Variants in STXBP4 observed in about 807,000 individuals in gnomAD.
STXBP4 encodes syntaxin-binding protein 4.
STXBP4 carries 55 observed loss-of-function variants against 76.1 expected under a neutral mutation model. That is an observed-to-expected ratio of 0.72 (90% CI 0.58 to 0.91). The LOEUF (loss-of-function observed/expected upper bound fraction) is 0.91, where lower values mean the gene tolerates loss of function less well. Among genes scored for constraint, STXBP4 ranks in the 40% least tolerant of loss-of-function variants. The pLI is 0.00. For synonymous variants in STXBP4, 201 were observed against 220.2 expected (o/e 0.91, Z 0.77); for missense variants, 618 against 636.9 (o/e 0.97, Z 0.32).
chr17:55,049,806 G>A (rs1002543744), intron 12 of STXBP4, among the ~76,000 whole-genome samples: 7 of 151,750 alleles, frequency 4.6e-5, no homozygotes, highest in African/African-American at 1.2e-4. Flanking sequence ...AAAACTGACC[G>A]GAGTAAAGAT....
In STXBP4 at chr17:55,047,069, T is replaced by A; in HGVS notation, c.946-20T>A. 2 of 1,493,086 alleles carry A rather than the reference T, an allele frequency of 1.3e-6. No individual in the cohort carries two copies. Among genetic ancestry groups the A allele is most frequent in the Non-Finnish European group, 1.9e-6 (2 of 1,072,550 alleles). The allele number at this position is 1,493,086 out of a possible 1,614,324, so 92.5% of individuals were successfully genotyped here. A position where few individuals can be genotyped will look rare whatever the true frequency, so the allele number is the denominator to read the frequency against. On this transcript the variant is annotated intron_variant, in intron 11 of 17. Coordinates refer to ENST00000376352, the MANE Select transcript of STXBP4 (RefSeq NM_178509.6). ...AATACTTTCATAACAAGTTGTTAAT[T>A]TGGTGGTTTTTAAATATAGGAAAAA...
intron 8 of STXBP4, among the ~76,000 whole-genome samples, chr17:55,015,793 C>T (rs1598207219): frequency 6.6e-6 from 1 of 151,974 alleles, no homozygotes; most frequent in East Asian, 1.9e-4. Context: ...CTGAGGGCTT[C>T]CTGTAGGGCA....
Position 55,170,136 on chromosome 17 carries a change from T to G in STXBP4, c.*10225T>G, listed in dbSNP as rs2080398208. ...AGTCTTGGAACATCTATCAAAGGCC[T>G]TAAAAATTTCTTCTTCTGTGAATTT... On this transcript the variant is annotated 3_prime_UTR_variant, in exon 18 of 18. Transcript: ENST00000376352. The G allele has an allele frequency of 6.6e-6, 1 of 152,204 alleles. No homozygotes were observed. Among genetic ancestry groups the G allele is most frequent in the African/African-American group, 2.4e-5 (1 of 41,462 alleles). 9.4% of individuals were successfully genotyped at this position (152,204 alleles called of 1,614,324 possible).
intron 16 of STXBP4, among the ~76,000 whole-genome samples, chr17:55,120,811 G>C (rs1465693459): frequency 8.7e-6 from 1 of 115,066 alleles, no homozygotes; most frequent in Non-Finnish European, 2.0e-5. Flanking sequence ...CTAGAAGAAA[G>C]AGTGTTTTTT....
rs372575270 is a variant in STXBP4 at position 55,171,493 on chromosome 17, A to G, written c.*11582A>G. 1.2e-4 allele frequency: 19 copies of G among 152,350 alleles called. No homozygotes were observed. The highest frequency in any genetic ancestry group is 4.3e-4 in the African/African-American group (18 of 41,574). 9.4% of individuals were successfully genotyped at this position (152,350 alleles called of 1,614,324 possible). On this transcript the variant is annotated 3_prime_UTR_variant, in exon 18 of 18. Coordinates refer to ENST00000376352, the MANE Select transcript of STXBP4 (RefSeq NM_178509.6). Reference sequence around the variant, plus strand: ...TTTATCTATAAGGAATAATCTGTGAATTAACCTTCTGTAGCTTTTCCTTGC... The same window carrying G: ...TTTATCTATAAGGAATAATCTGTGAGTTAACCTTCTGTAGCTTTTCCTTGC...
intron 6 of STXBP4, chr17:55,000,221 T>A: frequency 2.0e-5 from 20 of 985,350 alleles, no homozygotes; most frequent in Non-Finnish European, 2.4e-5. Context: ...CTTAGCTTCT[T>A]TCCCACACAG....
intron 17 of STXBP4, 107 bp from the exon 18 acceptor site, chr17:55,159,690 C>T (rs740351): frequency 0.011 from 7,349 of 642,160 alleles, 201 homozygotes; most frequent in African/African-American, 0.071. Context: ...TGCTTCCTAT[C>T]ACAGGGACTT....
intron 3 of STXBP4, among the ~76,000 whole-genome samples, chr17:54,989,272 T>A (rs1296146812): frequency 1.3e-5 from 2 of 152,198 alleles, no homozygotes; most frequent in African/African-American, 4.8e-5. Flanking sequence ...CGCGCCTGGC[T>A]AATTTTTTGT....
chr17:55,008,646 A>G (rs1158309817), intron 8 of STXBP4, among the ~76,000 whole-genome samples: 1 of 152,176 alleles, frequency 6.6e-6, no homozygotes, highest in Non-Finnish European at 1.5e-5. Context: ...AAAGGGTGTA[A>G]TCTGATGGTA....
intron 4 of STXBP4, among the ~76,000 whole-genome samples, chr17:54,998,570 A>G (rs1195087451): frequency 2.0e-5 from 3 of 152,262 alleles, no homozygotes; most frequent in African/African-American, 7.2e-5. Context: ...GCAGCCAGTT[A>G]GAATTGTCAT....
At position 55,089,108 on chromosome 17, in the gene STXBP4, A is replaced by G. The variant is rs1405919977; in HGVS notation, c.1489+7925A>G. 2.0e-5 allele frequency among the ~76,000 whole-genome samples: 3 copies of G among 152,186 alleles called. No individual in the cohort carries two copies. The East Asian group carries it at 5.8e-4, about 29-fold the overall frequency. ...ATAAAAAGTGGATCTCATAATATCA[A>G]AGTGGCAGGATTGAAAGATTAAATG... On this transcript the variant is annotated intron_variant, in intron 16 of 17. Transcript: ENST00000376352.
At chr17:55,069,168 A>C (rs535682192) in intron 12 of STXBP4, among the ~76,000 whole-genome samples, 1 of 152,008 alleles carries the variant, frequency 6.6e-6, no homozygotes, top group Non-Finnish European at 1.5e-5. Context: ...AAAAAAAAAA[A>C]AAAATAAGCT....
chr17:55,065,310 C>G (rs1318636399), intron 12 of STXBP4, among the ~76,000 whole-genome samples: 1 of 152,086 alleles, frequency 6.6e-6, no homozygotes, highest in Non-Finnish European at 1.5e-5. Flanking sequence ...TTTTATTTAG[C>G]TCTTGTTATG....
chr17:55,067,988 C>T (rs772405870), intron 12 of STXBP4, among the ~76,000 whole-genome samples: 3 of 152,120 alleles, frequency 2.0e-5, no homozygotes, highest in African/African-American at 4.8e-5. Flanking sequence ...CCCCCATACA[C>T]ATTCATGCCT....
the STXBP4 span, among the ~76,000 whole-genome samples, chr17:55,210,256 T>A: frequency 6.6e-6 from 1 of 152,232 alleles, no homozygotes; most frequent in Admixed American, 6.5e-5. Context: ...TAAACCCTAA[T>A]GAGAAAAGCC....
Position 55,043,221 on chromosome 17 carries a change from T to C in STXBP4, c.856-15T>C. The C allele has an allele frequency of 7.0e-7, 1 of 1,431,744 alleles. No individual in the cohort carries two copies. Among genetic ancestry groups the C allele is most frequent in the East Asian group, 2.5e-5 (1 of 40,242 alleles). 88.7% of individuals were successfully genotyped at this position (1,431,744 alleles called of 1,614,324 possible). A position where few individuals can be genotyped will look rare whatever the true frequency, so the allele number is the denominator to read the frequency against. ...TCTAATGCACAACTTTTCTCTTATA[T>C]TTTAATGTTGATAGCTTCTTCCTTG... On this transcript the variant is annotated splice_polypyrimidine_tract_variant and intron_variant, in intron 10 of 17. Coordinates refer to ENST00000376352, the MANE Select transcript of STXBP4 (RefSeq NM_178509.6).
intron 9 of STXBP4, among the ~76,000 whole-genome samples, 163 bp from the exon 10 acceptor site, chr17:55,034,005 G>GTCT (rs1005739067): frequency 2.6e-4 from 40 of 152,140 alleles, no homozygotes; most frequent in African/African-American, 9.7e-4. Flanking sequence ...AGACCAATTT[G>GTCT]TCTCTTCTTA....
At chr17:55,197,736 C>G in the STXBP4 span, among the ~76,000 whole-genome samples, 1 of 145,718 alleles carries the variant, frequency 6.9e-6, no homozygotes, top group Non-Finnish European at 1.5e-5. Context: ...GAGTGAGACT[C>G]AGTCTCAAAA....
chr17:54,987,928 C>G (rs771765928), intron 3 of STXBP4, among the ~76,000 whole-genome samples: 80 of 152,174 alleles, frequency 5.3e-4, no homozygotes, highest in Middle Eastern at 3.4e-3. Context: ...GCAGTTTTAA[C>G]TTGTAATTCT....
Sources: allele counts gnomAD v4.1 joint callset (sites outside exome capture counted in the v4.1 genomes callset), GRCh38; gene constraint gnomAD v4.1.1; transcripts MANE v1.5; gene names NCBI Gene and HGNC (gene_info 2026-07-23, HGNC 2026-07-21).